The following RBKS variants were observed in gnomAD, a reference collection of about 807,000 sequenced individuals.
RBKS encodes the protein ribokinase.
A neutral mutation model predicts 33.9 loss-of-function variants in RBKS; 33 were observed. That is an observed-to-expected ratio of 0.97 (90% CI 0.74 to 1.30). The LOEUF is 1.30. Among genes scored for constraint, RBKS ranks in the 50% most tolerant of loss-of-function variants. The pLI is 0.00. For missense variants in RBKS, 361 were observed against 392.6 expected (o/e 0.92, Z 0.68); for synonymous variants, 125 against 143.0 (o/e 0.87, Z 0.90).
At chr2:27,815,060 T>A (rs1678061286) in intron 7 of RBKS, among the ~76,000 whole-genome samples, 1 of 152,112 alleles carries the variant, frequency 6.6e-6, no homozygotes, top group Non-Finnish European at 1.5e-5. Context: ...TGCACACACT[T>A]TTATACAAAG....
At chr2:27,792,418 T>C (rs1677552268) in intron 7 of RBKS, among the ~76,000 whole-genome samples, 2 of 152,350 alleles carry the variant, frequency 1.3e-5, no homozygotes, top group East Asian at 3.9e-4. Context: ...AGCTCAACTT[T>C]CAATAGAAGA....
intron 1 of RBKS, among the ~76,000 whole-genome samples, chr2:27,866,002 T>C (rs1664091908): frequency 6.6e-6 from 1 of 152,172 alleles, no homozygotes; most frequent in Non-Finnish European, 1.5e-5. Flanking sequence ...ACCCATATAT[T>C]TACCATTTCT....
chr2:27,803,930 A>T (rs1463585651), intron 7 of RBKS, among the ~76,000 whole-genome samples: 2 of 152,098 alleles, frequency 1.3e-5, no homozygotes, highest in African/African-American at 4.8e-5. Context: ...GCGCACCTGT[A>T]ATCCCAGCTA....
chr2:27,857,545 C>A (rs1159402084), intron 2 of RBKS, among the ~76,000 whole-genome samples: 1 of 152,170 alleles, frequency 6.6e-6, no homozygotes, highest in Non-Finnish European at 1.5e-5. Flanking sequence ...ATCTAAGATA[C>A]AGCATTAGAA....
chr2:27,804,387 T>TCCTCTCCCCATTCCTC (rs1293610571), intron 7 of RBKS, among the ~76,000 whole-genome samples: 1 of 152,126 alleles, frequency 6.6e-6, no homozygotes, highest in Non-Finnish European at 1.5e-5. Flanking sequence ...CTCCCAACCA[T>TCCTCTCCCCATTCCTC]CCACAGGCCT....
At chr2:27,808,438 A>G (rs1228961164) in intron 7 of RBKS, among the ~76,000 whole-genome samples, 1 of 152,246 alleles carries the variant, frequency 6.6e-6, no homozygotes, top group Non-Finnish European at 1.5e-5. Flanking sequence ...AGTCAAAGAC[A>G]AAAGAAATCC....
chr2:27,823,483 C>T (rs925775869), intron 7 of RBKS, among the ~76,000 whole-genome samples: 4 of 152,140 alleles, frequency 2.6e-5, no homozygotes, highest in Non-Finnish European at 2.9e-5. Flanking sequence ...AAGAGAAAAG[C>T]GAGAAGGTTA....
At chr2:27,809,985 TATA>T (rs1677961678) in intron 7 of RBKS, 1 of 1,304,310 alleles carries the variant, frequency 7.7e-7, no homozygotes, top group Non-Finnish European at 1.0e-6. Flanking sequence ...CTGGGTTATT[TATA>T]ATGTTTCTGC....
At chr2:27,838,357 T>G (rs1434355919) in intron 5 of RBKS, among the ~76,000 whole-genome samples, 2 of 152,250 alleles carry the variant, frequency 1.3e-5, no homozygotes, top group Non-Finnish European at 2.9e-5. Context: ...ATTCTCTGTA[T>G]GTCTATATAT....
chr2:27,808,401 G>A (rs1350023534), intron 7 of RBKS, among the ~76,000 whole-genome samples: 2 of 152,184 alleles, frequency 1.3e-5, no homozygotes, highest in African/African-American at 4.8e-5. Flanking sequence ...CATAGTAACT[G>A]CATCACTTGG....
chr2:27,884,241 T>A (rs1664478721), intron 1 of RBKS, among the ~76,000 whole-genome samples: 1 of 152,260 alleles, frequency 6.6e-6, no homozygotes, highest in Middle Eastern at 3.4e-3. Context: ...ATAGGTACAG[T>A]ATAACTCTCT....
chr2:27,843,381 G>C (rs1214557691), intron 4 of RBKS, 150 bp from the exon 5 acceptor site: 1 of 529,576 alleles, frequency 1.9e-6, no homozygotes, highest in Non-Finnish European at 3.1e-6. Flanking sequence ...TATTCAGCTT[G>C]AACTTTGAGT....
At chr2:27,849,086 GACAGACACAA>G (rs1267371321) in intron 2 of RBKS, among the ~76,000 whole-genome samples, 1 of 152,152 alleles carries the variant, frequency 6.6e-6, no homozygotes, top group Non-Finnish European at 1.5e-5. Context: ...GCAGGAGGGT[GACAGACACAA>G]ACAGACACAG....
At position 27,847,953 on chromosome 2, in the gene RBKS, T is replaced by C. The variant is rs376954595; in HGVS notation, c.286+81A>G. 21 of 778,842 alleles carry C rather than the reference T, an allele frequency of 2.7e-5. No homozygotes were observed. In the East Asian group the frequency reaches 5.4e-4, roughly 20 times the overall value. 48.2% of individuals were successfully genotyped at this position (778,842 alleles called of 1,614,324 possible). A position where few individuals can be genotyped will look rare whatever the true frequency, so the allele number is the denominator to read the frequency against. ...CCACCAGGGGAAGGTCTAATAATCC[T>C]CCTCTAGATTCAATTTTTCTCATAA... On this transcript the variant is annotated intron_variant, in intron 3 of 7. Transcript: ENST00000302188.
intron 5 of RBKS, among the ~76,000 whole-genome samples, chr2:27,840,820 G>T (rs1663479039): frequency 6.6e-6 from 1 of 152,118 alleles, no homozygotes; most frequent in East Asian, 1.9e-4. Context: ...TTGAACAAAT[G>T]ACTTAACCTC....
intron 7 of RBKS, among the ~76,000 whole-genome samples, chr2:27,824,066 A>T (rs1424333207): frequency 6.6e-6 from 1 of 152,172 alleles, no homozygotes; most frequent in Non-Finnish European, 1.5e-5. Flanking sequence ...AGCAACCATC[A>T]GTTGACTTCC....
At chr2:27,835,236 A>AT (rs1032568362) in intron 5 of RBKS, among the ~76,000 whole-genome samples, 24 of 150,920 alleles carry the variant, frequency 1.6e-4, no homozygotes, top group African/African-American at 3.7e-4. Context: ...AGATCGCGTC[A>AT]TTGCACTCCA....
chr2:27,813,038 T>C (rs80035008), intron 7 of RBKS, among the ~76,000 whole-genome samples: 2 of 123,650 alleles, frequency 1.6e-5, no homozygotes, highest in African/African-American at 7.2e-5. Flanking sequence ...AAAGAAGCCA[T>C]TAAAAAAAAA....
intron 7 of RBKS, among the ~76,000 whole-genome samples, chr2:27,819,736 G>A (rs1203166576): frequency 1.3e-5 from 2 of 152,216 alleles, no homozygotes; most frequent in South Asian, 4.1e-4. Context: ...AAACCTGAAC[G>A]TGAGGAAAAT....
Sources: gnomAD v4.1 joint callset for allele counts (sites outside exome capture counted in the v4.1 genomes callset) on GRCh38, gnomAD v4.1.1 for gene constraint, MANE v1.5 for transcripts, NCBI Gene and HGNC (gene_info 2026-07-23, HGNC 2026-07-21) for gene names.